The following CHN1 variants were observed in gnomAD, a reference collection of about 807,000 sequenced individuals.
CHN1 encodes N-chimaerin.
CHN1 carries 37 observed loss-of-function variants against 59.5 expected under a neutral mutation model. That is an observed-to-expected ratio of 0.62 (90% CI 0.48 to 0.82). The LOEUF (loss-of-function observed/expected upper bound fraction) is 0.82. CHN1 is among the 40% of genes least tolerant of loss of function. The probability of loss-of-function intolerance (pLI) is 0.00; values close to 1 mark genes in which losing one functional copy is unlikely to be tolerated. For missense variants in CHN1, 469 were observed against 571.0 expected (o/e 0.82, Z 1.82); for synonymous variants, 206 against 200.4 (o/e 1.03, Z -0.24).
intron 7 of CHN1, among the ~76,000 whole-genome samples, chr2:174,836,764 C>T (rs931822463): frequency 1.3e-5 from 2 of 152,206 alleles, no homozygotes; most frequent in Non-Finnish European, 2.9e-5. Flanking sequence ...TAAGCCAGTA[C>T]ATTCCCTTCT....
intron 1 of CHN1, among the ~76,000 whole-genome samples, chr2:174,987,861 T>A (rs1391290157): frequency 1.3e-5 from 2 of 152,188 alleles, no homozygotes; most frequent in Admixed American, 1.3e-4. Context: ...TTTATATAGA[T>A]GTGTTGTCTT....
At chr2:174,905,489 C>T (rs1688517600) in intron 5 of CHN1, among the ~76,000 whole-genome samples, 2 of 152,096 alleles carry the variant, frequency 1.3e-5, no homozygotes, top group African/African-American at 2.4e-5. Context: ...GTTATGTATG[C>T]ATACTTTTGA....
chr2:174,946,265 A>G (rs144408829), intron 2 of CHN1, among the ~76,000 whole-genome samples: 1 of 152,324 alleles, frequency 6.6e-6, no homozygotes, highest in Non-Finnish European at 1.5e-5. Flanking sequence ...ACTACTTATT[A>G]TTATACATAG....
chr2:174,976,588 G>T (rs1690949585), intron 1 of CHN1, among the ~76,000 whole-genome samples: 1 of 152,122 alleles, frequency 6.6e-6, no homozygotes, highest in African/African-American at 2.4e-5. Context: ...CAAGATTCCA[G>T]ACTTCAAAAG....
intron 6 of CHN1, chr2:174,875,818 G>A (rs1427091862): frequency 6.1e-6 from 6 of 985,400 alleles, no homozygotes; most frequent in African/African-American, 1.7e-5. Context: ...GGGAATCAAC[G>A]TTTCAAGCTG....
At chr2:174,929,329 G>A (rs1348621864) in intron 3 of CHN1, among the ~76,000 whole-genome samples, 1 of 152,168 alleles carries the variant, frequency 6.6e-6, no homozygotes, top group Admixed American at 6.5e-5. Flanking sequence ...TGTAGTCCCA[G>A]CCCTTTGGGA....
rs140428249 is a variant in CHN1, at chr2:174,950,051, G to A, written c.58+2113C>T. Among the ~76,000 whole-genome samples, 974 of 152,054 alleles carry A rather than the reference G, an allele frequency of 6.4e-3. 14 individuals are homozygous for A. The highest frequency in any genetic ancestry group is 0.022 in the African/African-American group (923 of 41,474). On this transcript the variant is annotated intron_variant, in intron 2 of 12. Transcript: ENST00000409900. ...CAAGGAGGCAGGATCACTTGAGGTC[G>A]GGAGTTGGAGACCTTCCTGGGCAAC...
At chr2:174,823,340 C>G (rs1685564510) in intron 8 of CHN1, among the ~76,000 whole-genome samples, 1 of 152,194 alleles carries the variant, frequency 6.6e-6, no homozygotes. Context: ...TTAAAATTTA[C>G]ATGATTATTT....
At chr2:174,869,206 G>A (rs1687324400) in intron 6 of CHN1, among the ~76,000 whole-genome samples, 1 of 152,182 alleles carries the variant, frequency 6.6e-6, no homozygotes, top group East Asian at 1.9e-4. Flanking sequence ...ATTAAAAGGT[G>A]AAGACTCCCT....
chr2:174,956,569 G>A (rs760567230), intron 1 of CHN1, among the ~76,000 whole-genome samples: 47 of 151,958 alleles, frequency 3.1e-4, no homozygotes, highest in Non-Finnish European at 5.4e-4. Flanking sequence ...TGAGGAACTC[G>A]AGACCAGCCT....
rs1685712304 is a variant in CHN1 at position 174,827,108 on chromosome 2, T to TA, written c.628-2591dup. ...TAAAACTCACTTGAATTTTTATATC[T>TA]AAAATCCATATATCTCAAGTTTCCT... On this transcript the variant is annotated intron_variant, in intron 7 of 12. Transcript: ENST00000409900. Among the ~76,000 whole-genome samples the TA allele has an allele frequency of 2.0e-5, 3 of 152,310 alleles. No homozygotes were observed. In the South Asian group the frequency reaches 6.2e-4, roughly 32 times the overall value.
Position 174,915,108 on chromosome 2 carries a change from G to T in CHN1, c.210C>A (p.Tyr70Ter). ...GCTGCCGCTGGCTCTCCCGGATGAG[G>T]TAGCTCCCCTCAGCCACAATCAAGA... ...DQLLIVAEGS[Y>*]LIRESQRQPG... Residue 70 changes from tyrosine (Y) to a stop codon, truncating the protein, a stop_gained, in exon 5 of 13, where the codon TAC (tyrosine) becomes TAA (stop). Coordinates refer to ENST00000409900, the MANE Select transcript of CHN1 (RefSeq NM_001822.7). LOFTEE classifies it high-confidence loss of function. 1 of 1,612,574 alleles carries T rather than the reference G, an allele frequency of 6.2e-7. No homozygotes were observed. Among genetic ancestry groups the T allele is most frequent in the Non-Finnish European group, 8.5e-7 (1 of 1,179,386 alleles).
intron 7 of CHN1, among the ~76,000 whole-genome samples, chr2:174,834,357 T>G (rs1685995206): frequency 6.6e-6 from 1 of 152,254 alleles, no homozygotes; most frequent in Non-Finnish European, 1.5e-5. Context: ...TTACTTCTAG[T>G]GTTCTTTATT....
At position 174,811,591 on chromosome 2, in the gene CHN1, GA is replaced by G; in HGVS notation, c.887-4del. On this transcript the variant is annotated splice_polypyrimidine_tract_variant and splice_region_variant and intron_variant, in intron 9 of 12. Transcript: ENST00000409900. ...GTATAGTCCTTCAGAATTAAGACCT[GA>G]AAAATAAAACTAGTTAGTTTCTTTG... 6.3e-7 allele frequency: 1 copy of G among 1,585,864 alleles called. No individual in the cohort carries two copies. The highest frequency in any genetic ancestry group is 8.6e-7 in the Non-Finnish European group (1 of 1,163,266).
intron 11 of CHN1, among the ~76,000 whole-genome samples, chr2:174,806,300 T>C (rs1684883622): frequency 1.3e-5 from 2 of 152,166 alleles, no homozygotes; most frequent in Non-Finnish European, 2.9e-5. Context: ...GCTTTTAAGC[T>C]ACAGGTTCCT....
intron 2 of CHN1, among the ~76,000 whole-genome samples, chr2:174,946,900 TAAAAAAAAAAAAAA>T (rs34155510): frequency 2.0e-5 from 2 of 100,218 alleles, no homozygotes; most frequent in African/African-American, 7.6e-5. Context: ...CTAAAAAATG[TAAAAAAAAAAAAAA>T]AAAAAAAAAA....
chr2:174,817,446 G>A (rs1168816040), intron 8 of CHN1, among the ~76,000 whole-genome samples: 1 of 150,776 alleles, frequency 6.6e-6, no homozygotes, highest in Non-Finnish European at 1.5e-5. Context: ...TCCTTTGAAT[G>A]TTTGGAGTCA....
chr2:174,945,889 T>C (rs942782269), intron 2 of CHN1, among the ~76,000 whole-genome samples: 1 of 151,872 alleles, frequency 6.6e-6, no homozygotes, highest in Non-Finnish European at 1.5e-5. Flanking sequence ...AATTAGACTA[T>C]ACACACATAC....
chr2:174,905,509 G>A lies in CHN1; in HGVS notation c.260+9549C>T, dbSNP rs115654832. On this transcript the variant is annotated intron_variant, in intron 5 of 12. Coordinates refer to ENST00000409900, the MANE Select transcript of CHN1 (RefSeq NM_001822.7). ...GTATGCATACTTTTGAGAGAGAATT[G>A]AAGTTTGAATAGACAGAATACTAGT... is the stretch of plus-strand genomic sequence containing the variant. 4.4e-3 allele frequency among the ~76,000 whole-genome samples: 673 copies of A among 152,198 alleles called. 6 individuals are homozygous for A. Among genetic ancestry groups the A allele is most frequent in the African/African-American group, 0.015 (634 of 41,524 alleles).
Sources: allele counts gnomAD v4.1 joint callset (sites outside exome capture counted in the v4.1 genomes callset), GRCh38; gene constraint gnomAD v4.1.1; transcripts MANE v1.5; gene names NCBI Gene and HGNC (gene_info 2026-07-23, HGNC 2026-07-21).